The following SIPA1L3 variants were observed in gnomAD, a reference collection of about 807,000 sequenced individuals.
SIPA1L3 encodes the protein signal induced proliferation associated 1 like 3, also known as signal-induced proliferation-associated 1-like protein 3.
A neutral mutation model predicts 150.1 loss-of-function variants in SIPA1L3; 59 were observed. That is an observed-to-expected ratio of 0.39 (90% CI 0.32 to 0.49). The LOEUF (loss-of-function observed/expected upper bound fraction) is 0.49, where lower values mean the gene tolerates loss of function less well. SIPA1L3 is among the 20% of genes least tolerant of loss of function. SIPA1L3 has a pLI of 0.86. For synonymous variants in SIPA1L3, 1,070 were observed against 1,077.6 expected, an observed-to-expected ratio of 0.99 and a Z score of 0.14; for missense variants, 2,211 against 2,489.5, an observed-to-expected ratio of 0.89 and a Z score of 2.38.
chr19:38,119,801 C>T lies in SIPA1L3; in HGVS notation c.2787C>T (p.Phe929=), dbSNP rs1273930090. 6.2e-7 allele frequency: 1 copy of T among 1,613,838 alleles called. No homozygotes were observed. The highest frequency in any genetic ancestry group is 8.5e-7 in the Non-Finnish European group (1 of 1,180,034). Residue 929 remains phenylalanine, a synonymous_variant, in exon 9 of 22, where the codon TTC becomes TTT. Transcript: ENST00000222345. The stretch of plus-strand genomic sequence containing the variant: ...CAGACTCCTCCACACTCAAAATCTT[C>T]TATGGACGAGGAGACCACATCTTCC... ...WTPDSSTLKI[F]YGRGDHIFLQ... is the part of the protein sequence containing the mutation.
At chr19:38,167,508 C>G (rs375846362) in intron 15 of SIPA1L3, among the ~76,000 whole-genome samples, 1 of 152,144 alleles carries the variant, frequency 6.6e-6, no homozygotes, top group African/African-American at 2.4e-5. Flanking sequence ...AGGAGACAGA[C>G]AGAGAGAGAC....
At chr19:38,188,141 T>A (rs1428128562) in intron 16 of SIPA1L3, among the ~76,000 whole-genome samples, 1 of 152,082 alleles carries the variant, frequency 6.6e-6, no homozygotes, top group Non-Finnish European at 1.5e-5. Context: ...TCACTTCACT[T>A]CTAACTCAAT....
intron 1 of SIPA1L3, among the ~76,000 whole-genome samples, chr19:38,012,545 G>A (rs1968130009): frequency 6.6e-6 from 1 of 152,176 alleles, no homozygotes; most frequent in Admixed American, 6.5e-5. Flanking sequence ...TGGAACAGCA[G>A]CATCCAACCT....
chr19:38,107,577 T>C (rs1271304162), intron 7 of SIPA1L3, among the ~76,000 whole-genome samples: 2 of 152,230 alleles, frequency 1.3e-5, no homozygotes, highest in Non-Finnish European at 2.9e-5. Context: ...GCTGACAGTT[T>C]AGGAAGTAAG....
At chr19:38,031,517 C>T (rs1007457743) in intron 2 of SIPA1L3, among the ~76,000 whole-genome samples, 1 of 152,186 alleles carries the variant, frequency 6.6e-6, no homozygotes, top group African/African-American at 2.4e-5. Flanking sequence ...GATGTTTTCT[C>T]ATGACCTGAT....
chr19:38,080,524 G>C (rs956770938), intron 2 of SIPA1L3, among the ~76,000 whole-genome samples: 2 of 152,146 alleles, frequency 1.3e-5, no homozygotes, highest in Non-Finnish European at 2.9e-5. Flanking sequence ...AGACACCTGC[G>C]AGACAATGAT....
At chr19:37,973,562 G>GGC (rs1462179337) in intron 1 of SIPA1L3, among the ~76,000 whole-genome samples, 3 of 142,388 alleles carry the variant, frequency 2.1e-5, no homozygotes, top group South Asian at 2.3e-4. Flanking sequence ...AAAGCGGGAG[G>GGC]GGGGCGCATC....
At chr19:38,057,588 CTTA>C (rs961036847) in intron 2 of SIPA1L3, among the ~76,000 whole-genome samples, 11 of 151,364 alleles carry the variant, frequency 7.3e-5, no homozygotes, top group African/African-American at 2.7e-4. Context: ...TTCTGCATCT[CTTA>C]TTATTTATTT....
chr19:38,135,490 C>T (rs1434301651), intron 10 of SIPA1L3, among the ~76,000 whole-genome samples: 2 of 152,230 alleles, frequency 1.3e-5, no homozygotes, highest in Non-Finnish European at 2.9e-5. Context: ...AGGACATGCA[C>T]CCCTCTCCAC....
intron 17 of SIPA1L3, among the ~76,000 whole-genome samples, 160 bp downstream of exon 17, chr19:38,192,470 C>T (rs995897325): frequency 1.3e-5 from 2 of 152,236 alleles, no homozygotes; most frequent in Non-Finnish European, 2.9e-5. Flanking sequence ...GGGCTATGGG[C>T]TCATGGCTGG....
intron 7 of SIPA1L3, 52 bp from the exon 8 acceptor site, chr19:38,110,175 C>T (rs561081521): frequency 1.0e-4 from 164 of 1,585,796 alleles, no homozygotes; most frequent in Middle Eastern, 3.4e-4. Context: ...AGGCAGGACC[C>T]GTCAGGCCGA....
At chr19:38,109,685 G>A (rs1970697003) in intron 7 of SIPA1L3, 1 of 154,730 alleles carries the variant, frequency 6.5e-6, no homozygotes, top group Admixed American at 6.3e-5. Context: ...CTGTATGCCA[G>A]GCACTGTGCT....
intron 8 of SIPA1L3, 68 bp from the exon 9 acceptor site, chr19:38,119,238 G>A (rs1568559510): frequency 5.7e-6 from 8 of 1,410,518 alleles, no homozygotes; most frequent in South Asian, 4.0e-5. Flanking sequence ...TTTTTTGATC[G>A]AATATTTTCT....
intron 1 of SIPA1L3, among the ~76,000 whole-genome samples, chr19:37,929,179 TCTGGGG>T (rs372310928): frequency 3.3e-5 from 5 of 152,104 alleles, no homozygotes; most frequent in East Asian, 1.9e-4. Context: ...GGATTGACCC[TCTGGGG>T]CTGGGGCTGG....
intron 1 of SIPA1L3, among the ~76,000 whole-genome samples, chr19:38,002,651 G>A (rs543529292): frequency 3.4e-5 from 5 of 145,858 alleles, no homozygotes; most frequent in South Asian, 2.2e-4. Flanking sequence ...CCTGGGAGGC[G>A]GAGGTTGCAG....
chr19:37,939,474 G>A (rs1351961881), intron 1 of SIPA1L3, among the ~76,000 whole-genome samples: 1 of 150,760 alleles, frequency 6.6e-6, no homozygotes, highest in African/African-American at 2.4e-5. Flanking sequence ...AGTGGCCTAA[G>A]CAAGATAGCT....
intron 1 of SIPA1L3, among the ~76,000 whole-genome samples, chr19:37,975,737 G>A (rs867240341): frequency 3.9e-5 from 6 of 152,140 alleles, no homozygotes; most frequent in African/African-American, 1.4e-4. Context: ...TGCTTGACAG[G>A]GACTGCCAGA....
chr19:38,126,541 C>CTTTT (rs577099002), intron 9 of SIPA1L3, among the ~76,000 whole-genome samples: 2 of 146,870 alleles, frequency 1.4e-5, no homozygotes, highest in Non-Finnish European at 3.0e-5. Context: ...CAAGACAATT[C>CTTTT]TTTTTTTTTT....
intron 4 of SIPA1L3, among the ~76,000 whole-genome samples, chr19:38,096,498 C>T (rs1354361390): frequency 1.3e-5 from 2 of 152,186 alleles, no homozygotes; most frequent in Admixed American, 1.3e-4. Context: ...ATCCGCCCAC[C>T]TCGACCTCTC....
Sources: allele counts gnomAD v4.1 joint callset (sites outside exome capture counted in the v4.1 genomes callset), GRCh38; gene constraint gnomAD v4.1.1; transcripts MANE v1.5; gene names NCBI Gene and HGNC (gene_info 2026-07-23, HGNC 2026-07-21).